KSR2: variants seen among roughly 807,000 people sequenced by gnomAD.
The protein encoded by KSR2 is kinase suppressor of ras 2.
KSR2 carries 25 observed loss-of-function variants against 107.8 expected under a neutral mutation model. The observed-to-expected ratio is 0.23, with a 90% CI of 0.17 to 0.32. KSR2 has a LOEUF of 0.32. Among genes scored for constraint, KSR2 ranks in the 10% least tolerant of loss-of-function variants. The probability of loss-of-function intolerance (pLI) is 1.00; values close to 1 mark genes in which losing one functional copy is unlikely to be tolerated. For synonymous variants in KSR2, 480 were observed against 507.0 expected (o/e 0.95, Z 0.71); for missense variants, 887 against 1,268.9 (o/e 0.70, Z 4.57).
intron 4 of KSR2, among the ~76,000 whole-genome samples, chr12:117,719,455 C>T (rs1419353123): frequency 6.6e-6 from 1 of 152,210 alleles, no homozygotes; most frequent in Admixed American, 6.5e-5. Context: ...CTTGGCCTCC[C>T]AAAGTGCTGG....
At chr12:117,549,128 C>T (rs1349215285) in intron 9 of KSR2, among the ~76,000 whole-genome samples, 2 of 152,178 alleles carry the variant, frequency 1.3e-5, no homozygotes, top group East Asian at 1.9e-4. Context: ...AGGAAGCCTT[C>T]GCACTCTATC....
chr12:117,665,693 A>T (rs1178993067), intron 5 of KSR2, among the ~76,000 whole-genome samples: 1 of 152,200 alleles, frequency 6.6e-6, no homozygotes, highest in Admixed American at 6.5e-5. Flanking sequence ...GTGTGCCAGG[A>T]ACTGTGCAGA....
intron 1 of KSR2, among the ~76,000 whole-genome samples, chr12:117,914,613 C>T (rs903878019): frequency 6.6e-6 from 1 of 152,172 alleles, no homozygotes; most frequent in Admixed American, 6.5e-5. Flanking sequence ...TATCTCACTG[C>T]AGCCTTGAAC....
intron 4 of KSR2, among the ~76,000 whole-genome samples, chr12:117,722,456 G>A (rs1356585270): frequency 1.3e-5 from 2 of 152,216 alleles, no homozygotes; most frequent in East Asian, 3.9e-4. Context: ...AGACCTTGCT[G>A]ATAAAACAGG....
chr12:117,499,855 T>C (rs1347005884), intron 14 of KSR2, among the ~76,000 whole-genome samples: 1 of 152,224 alleles, frequency 6.6e-6, no homozygotes, highest in African/African-American at 2.4e-5. Flanking sequence ...AATGGCTGTG[T>C]TCTTTCCACC....
chr12:117,820,631 C>T (rs1891532688), intron 3 of KSR2, among the ~76,000 whole-genome samples: 1 of 152,074 alleles, frequency 6.6e-6, no homozygotes, highest in South Asian at 2.1e-4. Flanking sequence ...TCTTCCGACC[C>T]AACACCACCC....
At chr12:117,473,858 G>A (rs1871621473) in intron 17 of KSR2, among the ~76,000 whole-genome samples, 1 of 152,156 alleles carries the variant, frequency 6.6e-6, no homozygotes, top group African/African-American at 2.4e-5. Flanking sequence ...ATCACTGTAA[G>A]GCATGTCACT....
At chr12:117,966,004 T>G (rs1050145363) in intron 1 of KSR2, among the ~76,000 whole-genome samples, 3 of 2,734 alleles carry the variant, frequency 1.1e-3, no homozygotes, top group Non-Finnish European at 1.4e-3. Context: ...GCAAGATGGA[T>G]GAAAGTGGTT....
At chr12:117,754,047 T>C (rs1888703690) in intron 4 of KSR2, among the ~76,000 whole-genome samples, 1 of 140,566 alleles carries the variant, frequency 7.1e-6, no homozygotes, top group Admixed American at 7.4e-5. Context: ...AATGCAAAAA[T>C]AAAAAGAAAG....
At chr12:117,869,613 A>G (rs929380215) in intron 1 of KSR2, among the ~76,000 whole-genome samples, 1 of 152,230 alleles carries the variant, frequency 6.6e-6, no homozygotes, top group African/African-American at 2.4e-5. Context: ...ATGATATCAT[A>G]CAGCATGCAC....
intron 7 of KSR2, among the ~76,000 whole-genome samples, chr12:117,560,020 T>C (rs1361714448): frequency 1.3e-5 from 2 of 152,168 alleles, no homozygotes; most frequent in African/African-American, 4.8e-5. Flanking sequence ...CCCCCTACTC[T>C]CTTCCTGATT....
intron 5 of KSR2, among the ~76,000 whole-genome samples, chr12:117,639,684 G>T (rs866062742): frequency 1.4e-5 from 2 of 145,842 alleles, no homozygotes; most frequent in African/African-American, 5.1e-5. Flanking sequence ...TTACTGAAAG[G>T]GAAAGCCAGC....
chr12:117,516,889 T>C (rs1224404894), intron 14 of KSR2, among the ~76,000 whole-genome samples: 1 of 152,228 alleles, frequency 6.6e-6, no homozygotes, highest in African/African-American at 2.4e-5. Flanking sequence ...TAAATCCCAC[T>C]GTTTTCCTCC....
chr12:117,535,737 A>G (rs1017488770), intron 10 of KSR2, among the ~76,000 whole-genome samples: 3 of 152,074 alleles, frequency 2.0e-5, no homozygotes, highest in Non-Finnish European at 4.4e-5. Context: ...TCAGAAACCC[A>G]TAAGACAATC....
chr12:117,821,552 AG>A (rs1891565774), intron 3 of KSR2, among the ~76,000 whole-genome samples: 2 of 152,376 alleles, frequency 1.3e-5, no homozygotes, highest in African/African-American at 4.8e-5. Flanking sequence ...TAAGGCTTCC[AG>A]TCAATGGTAG....
intron 1 of KSR2, among the ~76,000 whole-genome samples, chr12:117,911,907 C>T (rs1895029065): frequency 1.3e-5 from 2 of 152,206 alleles, no homozygotes; most frequent in Admixed American, 6.5e-5. Flanking sequence ...GAACCACTTG[C>T]CCTGGGCCTC....
chr12:117,631,548 T>A (rs188914416), intron 5 of KSR2, among the ~76,000 whole-genome samples: 3 of 152,342 alleles, frequency 2.0e-5, no homozygotes, highest in African/African-American at 7.2e-5. Flanking sequence ...ATCTTGACTT[T>A]TATCTACATT....
At chr12:117,817,218 C>T (rs1236543435) in intron 3 of KSR2, among the ~76,000 whole-genome samples, 7 of 152,114 alleles carry the variant, frequency 4.6e-5, no homozygotes, top group East Asian at 1.9e-4. Flanking sequence ...TGTCTTCCTC[C>T]GGAAAATAAA....
At chr12:117,860,105 C>T (rs1258683676) in intron 2 of KSR2, among the ~76,000 whole-genome samples, 186 bp downstream of exon 2, 1 of 152,222 alleles carries the variant, frequency 6.6e-6, no homozygotes, top group Non-Finnish European at 1.5e-5. Context: ...TGGAAGCACA[C>T]TCTCAATGAC....
Sources: gnomAD v4.1 joint callset for allele counts (sites outside exome capture counted in the v4.1 genomes callset) on GRCh38, gnomAD v4.1.1 for gene constraint, MANE v1.5 for transcripts, NCBI Gene and HGNC (gene_info 2026-07-23, HGNC 2026-07-21) for gene names.